Variants in ZC3H15 observed in about 807,000 individuals in gnomAD.
The protein encoded by ZC3H15 is zinc finger CCCH domain-containing protein 15.
ZC3H15 carries 15 observed loss-of-function variants against 51.2 expected under a neutral mutation model. That is an observed-to-expected ratio of 0.29 (90% CI 0.20 to 0.45). The LOEUF (loss-of-function observed/expected upper bound fraction) is 0.45. ZC3H15 is among the 20% of genes least tolerant of loss of function. The probability of loss-of-function intolerance (pLI) is 1.00; values close to 1 mark genes in which losing one functional copy is unlikely to be tolerated. For missense variants in ZC3H15, 381 were observed against 494.7 expected, an observed-to-expected ratio of 0.77 and a Z score of 2.18; for synonymous variants, 144 against 162.8, an observed-to-expected ratio of 0.88 and a Z score of 0.88.
chr2:186,493,288 T>G (rs981588615), intron 1 of ZC3H15, among the ~76,000 whole-genome samples: 2 of 151,774 alleles, frequency 1.3e-5, no homozygotes, highest in African/African-American at 4.8e-5. Context: ...AGGTGGGAGG[T>G]GGCAGAGAAC....
chr2:186,489,661 C>T (rs1351009887), intron 1 of ZC3H15, among the ~76,000 whole-genome samples: 1 of 152,160 alleles, frequency 6.6e-6, no homozygotes, highest in African/African-American at 2.4e-5. Context: ...CCTCTTTCCT[C>T]TTCTGTACCT....
At chr2:186,506,959 C>A in intron 9 of ZC3H15, 123 bp downstream of exon 9, 1 of 1,098,030 alleles carries the variant, frequency 9.1e-7, no homozygotes, top group Non-Finnish European at 1.3e-6. Context: ...TGTGGTTTGA[C>A]CATAAATAAA....
In ZC3H15 at chr2:186,491,403, T is replaced by A. The variant is rs1461800286; in HGVS notation, c.76-3830T>A. On this transcript the variant is annotated intron_variant, in intron 1 of 9. Coordinates refer to ENST00000337859, the MANE Select transcript of ZC3H15 (RefSeq NM_018471.3). ...AGTGGGATATGTATTATTACCCTTT[T>A]TGCAGTTTTGAAAACAGGCATAGAT... Among the ~76,000 whole-genome samples the A allele has an allele frequency of 2.0e-5, 3 of 152,296 alleles. No individual in the cohort carries two copies. In the East Asian group the frequency reaches 5.8e-4, roughly 29 times the overall value.
intron 5 of ZC3H15, 137 bp from the exon 6 acceptor site, chr2:186,503,895 C>A: frequency 1.6e-6 from 1 of 607,154 alleles, no homozygotes; most frequent in Non-Finnish European, 2.6e-6. Flanking sequence ...GACAGAGCAC[C>A]CTTATGTGCA....
At chr2:186,496,992 C>A in intron 2 of ZC3H15, 2 of 331,910 alleles carry the variant, frequency 6.0e-6, no homozygotes, top group Non-Finnish European at 1.2e-5. Flanking sequence ...TGTTCTTAGG[C>A]ATTTATTCTT....
Position 186,504,114 on chromosome 2 carries a change from T to A in ZC3H15, c.617T>A (p.Met206Lys), listed in dbSNP as rs1166567212. 6.2e-7 allele frequency: 1 copy of A among 1,610,504 alleles called. No individual in the cohort carries two copies. Among genetic ancestry groups the A allele is most frequent in the Admixed American group, 1.7e-5 (1 of 59,472 alleles). The change falls in exon 6 of 10, where the codon ATG becomes AAG. Residue 206 changes from methionine (M) to lysine (K), a missense_variant. By Grantham distance (95) the Met-to-Lys change is moderately conservative. Transcript: ENST00000337859. ...WVCPGGGDICMYRHALPPGFV... is the reference protein window; with the variant it reads ...WVCPGGGDICKYRHALPPGFV... ...TGCCCTGGAGGGGGTGATATTTGCA[T>A]GTATCGTCATGCACTTCCTCCTGGA...
intron 2 of ZC3H15, among the ~76,000 whole-genome samples, chr2:186,499,267 T>C (rs1685337981): frequency 6.7e-6 from 1 of 150,024 alleles, no homozygotes; most frequent in Non-Finnish European, 1.5e-5. Context: ...TGATATTTTA[T>C]AAAATGTGAC....
At chr2:186,500,832 G>A (rs1031364202) in intron 3 of ZC3H15, among the ~76,000 whole-genome samples, 5 of 152,030 alleles carry the variant, frequency 3.3e-5, no homozygotes, top group Admixed American at 1.3e-4. Flanking sequence ...GCACTACCAC[G>A]CCCAGCTAGT....
chr2:186,486,555 ACG>A, intron 1 of ZC3H15, 98 bp downstream of exon 1: 1 of 1,349,578 alleles, frequency 7.4e-7, no homozygotes, highest in Non-Finnish European at 1.0e-6. Flanking sequence ...TCCTCGGGCC[ACG>A]TGTTCCTCCC....
At chr2:186,500,731 G>A (rs1449232410) in intron 3 of ZC3H15, 8 of 454,440 alleles carry the variant, frequency 1.8e-5, no homozygotes, top group Non-Finnish European at 2.6e-5. Context: ...CTGGAGTGCA[G>A]TGGCACCATC....
intron 1 of ZC3H15, among the ~76,000 whole-genome samples, chr2:186,492,301 T>C (rs1326473806): frequency 6.6e-6 from 1 of 152,244 alleles, no homozygotes; most frequent in Non-Finnish European, 1.5e-5. Flanking sequence ...TGTGTTCATC[T>C]GTATGTATCA....
Position 186,508,734 on chromosome 2 carries a change from C to T in ZC3H15, c.*1C>T. ...AAATACACTTGATTTAGAAGAATGA[C>T]ACCAAACACATCGCTGAAAAAATTA... On this transcript the variant is annotated 3_prime_UTR_variant, in exon 10 of 10. Coordinates refer to ENST00000337859, the MANE Select transcript of ZC3H15 (RefSeq NM_018471.3). 6.2e-7 allele frequency: 1 copy of T among 1,612,558 alleles called. No homozygotes were observed. The highest frequency in any genetic ancestry group is 8.5e-7 in the Non-Finnish European group (1 of 1,178,944).
At chr2:186,494,896 A>G (rs1685257243) in intron 1 of ZC3H15, among the ~76,000 whole-genome samples, 1 of 152,248 alleles carries the variant, frequency 6.6e-6, no homozygotes, top group South Asian at 2.1e-4. Context: ...CAGCACACCA[A>G]CATGGCACAT....
chr2:186,501,965 C>T (rs1037603412), intron 4 of ZC3H15, among the ~76,000 whole-genome samples: 9 of 152,068 alleles, frequency 5.9e-5, no homozygotes. Context: ...CCACGCTGGC[C>T]TCTCAAAGTG....
chr2:186,507,478 A>T lies in ZC3H15; in HGVS notation c.1090+642A>T, dbSNP rs149516607. ...TAGCTCAGAGGAAGAGGATCTGGTA[A>T]GGAGGAGAAGTTGATGATAAAAGAT... On this transcript the variant is annotated intron_variant, in intron 9 of 9. Transcript: ENST00000337859. 2.4e-3 allele frequency: 1,088 copies of T among 456,546 alleles called. 3 individuals are homozygous for T. Among genetic ancestry groups the T allele is most frequent in the Non-Finnish European group, 3.6e-3 (813 of 226,942 alleles). 28.3% of individuals were successfully genotyped at this position (456,546 alleles called of 1,614,324 possible). A position where few individuals can be genotyped will look rare whatever the true frequency, so the allele number is the denominator to read the frequency against.
chr2:186,499,892 G>C (rs1179215076), intron 2 of ZC3H15, among the ~76,000 whole-genome samples: 1 of 152,186 alleles, frequency 6.6e-6, no homozygotes, highest in East Asian at 1.9e-4. Flanking sequence ...TTTCACAGAA[G>C]AATATTGCAG....
intron 9 of ZC3H15, among the ~76,000 whole-genome samples, chr2:186,507,676 T>C (rs1364506148): frequency 6.6e-6 from 1 of 152,142 alleles, no homozygotes; most frequent in Non-Finnish European, 1.5e-5. Flanking sequence ...GCAGAAGAAA[T>C]GCCCATTAAG....
chr2:186,496,847 T>G (rs1685290339), intron 2 of ZC3H15, among the ~76,000 whole-genome samples: 1 of 152,220 alleles, frequency 6.6e-6, no homozygotes, highest in Non-Finnish European at 1.5e-5. Flanking sequence ...AATATGGTAT[T>G]ATAACCTTAC....
Position 186,505,934 on chromosome 2 carries a change from C to T in ZC3H15, c.966+93C>T, listed in dbSNP as rs367907038. On this transcript the variant is annotated intron_variant, in intron 8 of 9. Coordinates refer to ENST00000337859, the MANE Select transcript of ZC3H15 (RefSeq NM_018471.3). ...TGGTTAAGAGCCACCAACATCAGAGCCACAGTGCCTGGGTTCAAATCCTTA... is the reference window on the plus strand; with the variant it reads ...TGGTTAAGAGCCACCAACATCAGAGTCACAGTGCCTGGGTTCAAATCCTTA... 1.6e-5 allele frequency: 21 copies of T among 1,331,050 alleles called. No individual in the cohort carries two copies. The South Asian group carries it at 2.5e-4, about 16-fold the overall frequency. The allele number at this position is 1,331,050 out of a possible 1,614,324, so 82.5% of individuals were successfully genotyped here.
Sources: allele counts gnomAD v4.1 joint callset (sites outside exome capture counted in the v4.1 genomes callset), GRCh38; gene constraint gnomAD v4.1.1; transcripts MANE v1.5; gene names NCBI Gene and HGNC (gene_info 2026-07-23, HGNC 2026-07-21).